Variants in WARS2 observed in about 807,000 individuals in gnomAD.
WARS2 encodes the protein tryptophan--tRNA ligase, mitochondrial.
Under a neutral mutation model 36.5 loss-of-function variants are expected in WARS2, and 28 were observed. That is an observed-to-expected ratio of 0.77 (90% CI 0.57 to 1.05). The LOEUF is 1.05. Ranked by LOEUF, WARS2 falls within the 50% of genes least tolerant of loss-of-function variation. The pLI is 0.00. For missense variants in WARS2, 435 were observed against 456.8 expected (o/e 0.95, Z 0.44); for synonymous variants, 174 against 178.4 (o/e 0.98, Z 0.20).
intron 1 of WARS2, among the ~76,000 whole-genome samples, chr1:119,091,547 A>T (rs981791073): frequency 1.3e-5 from 2 of 152,186 alleles, no homozygotes; most frequent in African/African-American, 2.4e-5. Flanking sequence ...CTAAAATTTT[A>T]ATTTTATGTT....
chr1:119,133,995 T>C (rs1363487412), intron 1 of WARS2, among the ~76,000 whole-genome samples: 1 of 152,048 alleles, frequency 6.6e-6, no homozygotes, highest in Non-Finnish European at 1.5e-5. Context: ...AGGATATTAT[T>C]AAAGAGAATA....
intron 1 of WARS2, among the ~76,000 whole-genome samples, chr1:119,135,273 T>TG (rs1571412122): frequency 6.6e-6 from 1 of 152,216 alleles, no homozygotes; most frequent in East Asian, 1.9e-4. Flanking sequence ...CAAAATTGTG[T>TG]GGCACTGTCT....
At position 119,050,342 on chromosome 1, in the gene WARS2, T is replaced by C. The variant is rs140844972; in HGVS notation, c.349-4680A>G. 7.7e-3 allele frequency among the ~76,000 whole-genome samples: 1,172 copies of C among 152,314 alleles called. 12 individuals are homozygous for C. Among genetic ancestry groups the C allele is most frequent in the African/African-American group, 0.027 (1,104 of 41,560 alleles). On this transcript the variant is annotated intron_variant, in intron 2 of 5. Transcript: ENST00000235521. ...CACTGATTGAGTCTGTTCCCCTCAA[T>C]CCCACTCCCAGTTCTCCTTAATCTT... is the stretch of plus-strand genomic sequence containing the variant.
intron 1 of WARS2, chr1:119,126,556 C>T: frequency 1.7e-6 from 1 of 580,298 alleles, no homozygotes; most frequent in South Asian, 1.8e-5. Flanking sequence ...GATTCTTGGA[C>T]TAGTGGTTCA....
chr1:119,108,613 AT>A (rs1264273770), intron 1 of WARS2, among the ~76,000 whole-genome samples: 3 of 151,714 alleles, frequency 2.0e-5, no homozygotes, highest in East Asian at 1.9e-4. Context: ...TTTTATTACT[AT>A]TTTTTTGGGA....
chr1:119,109,152 A>G (rs1007639899), intron 1 of WARS2, among the ~76,000 whole-genome samples: 1 of 151,954 alleles, frequency 6.6e-6, no homozygotes, highest in Non-Finnish European at 1.5e-5. Flanking sequence ...ATCTTGGTGA[A>G]TATTCCATGT....
At chr1:119,100,078 A>G (rs1004947371) in intron 1 of WARS2, among the ~76,000 whole-genome samples, 5 of 152,242 alleles carry the variant, frequency 3.3e-5, no homozygotes, top group African/African-American at 1.2e-4. Flanking sequence ...CCCAGAATAT[A>G]CAAGGAACTC....
intron 3 of WARS2, among the ~76,000 whole-genome samples, chr1:119,045,348 T>G (rs561677294): frequency 9.8e-5 from 15 of 152,334 alleles, no homozygotes; most frequent in African/African-American, 3.6e-4. Flanking sequence ...CAAAGGTAAC[T>G]CTGATTCAAC....
At chr1:119,034,241 A>T in intron 4 of WARS2, 28 bp from the exon 5 acceptor site, 1 of 1,567,056 alleles carries the variant, frequency 6.4e-7, no homozygotes, top group Non-Finnish European at 8.8e-7. Flanking sequence ...CAGAAAAACA[A>T]CAGCAAGGCT....
At chr1:119,039,361 ATG>A (rs1028114047) in intron 4 of WARS2, among the ~76,000 whole-genome samples, 1 of 151,964 alleles carries the variant, frequency 6.6e-6, no homozygotes, top group African/African-American at 2.4e-5. Flanking sequence ...CTTTATGTGT[ATG>A]TGTGTGTGTA....
chr1:119,059,424 T>A (rs1650184423), intron 2 of WARS2, among the ~76,000 whole-genome samples: 1 of 150,944 alleles, frequency 6.6e-6, no homozygotes, highest in Admixed American at 6.6e-5. Context: ...TCTTCTAGGG[T>A]TTTTATGGTT....
At chr1:119,121,820 T>C (rs923752004) in intron 1 of WARS2, among the ~76,000 whole-genome samples, 1 of 152,168 alleles carries the variant, frequency 6.6e-6, no homozygotes, top group Non-Finnish European at 1.5e-5. Context: ...CAAATGATGC[T>C]GGGATAATTG....
At chr1:119,050,106 T>C (rs1187891944) in intron 2 of WARS2, among the ~76,000 whole-genome samples, 2 of 152,218 alleles carry the variant, frequency 1.3e-5, no homozygotes, top group Non-Finnish European at 2.9e-5. Context: ...GTAACCTCTG[T>C]GATTCAAGTC....
intron 1 of WARS2, among the ~76,000 whole-genome samples, chr1:119,115,356 G>A (rs587639177): frequency 6.6e-6 from 1 of 152,064 alleles, no homozygotes; most frequent in African/African-American, 2.4e-5. Flanking sequence ...TAACCCTTGT[G>A]ATCTATTTTG....
chr1:119,051,756 G>A (rs1037771043), intron 2 of WARS2, among the ~76,000 whole-genome samples: 1 of 139,296 alleles, frequency 7.2e-6, no homozygotes, highest in Admixed American at 7.2e-5. Context: ...TTGGTATCTC[G>A]CTGTAATTTT....
At chr1:119,131,901 G>A (rs867897321) in intron 1 of WARS2, among the ~76,000 whole-genome samples, 1 of 152,124 alleles carries the variant, frequency 6.6e-6, no homozygotes, top group East Asian at 1.9e-4. Flanking sequence ...AGGGGGTGTG[G>A]TGGGGGGCGG....
At chr1:119,064,354 T>C (rs757572649) in intron 2 of WARS2, 2 of 152,236 alleles carry the variant, frequency 1.3e-5, no homozygotes, top group African/African-American at 2.4e-5. Flanking sequence ...GTACTTGCCT[T>C]GTCTCAGACG....
chr1:119,043,152 A>C (rs1403298072), intron 3 of WARS2, among the ~76,000 whole-genome samples: 4 of 152,230 alleles, frequency 2.6e-5, no homozygotes, highest in Non-Finnish European at 5.9e-5. Flanking sequence ...CATTGCTGAC[A>C]TGTCGTTTGA....
chr1:119,075,389 C>A (rs1248098602), intron 2 of WARS2, among the ~76,000 whole-genome samples: 1 of 152,034 alleles, frequency 6.6e-6, no homozygotes, highest in Non-Finnish European at 1.5e-5. Context: ...TGAGCATCTG[C>A]AGATTTTGGT....
Sources: allele counts gnomAD v4.1 joint callset (sites outside exome capture counted in the v4.1 genomes callset), GRCh38; gene constraint gnomAD v4.1.1; transcripts MANE v1.5; gene names NCBI Gene and HGNC (gene_info 2026-07-23, HGNC 2026-07-21).